Variants in STK33 observed in about 807,000 individuals in gnomAD.
STK33 encodes serine/threonine kinase 33.
Under a neutral mutation model 58.0 loss-of-function variants are expected in STK33, and 52 were observed. The ratio of observed to expected loss-of-function variants is 0.90; its 90% CI spans 0.72 to 1.13. STK33 has a LOEUF of 1.13. Ranked by LOEUF, STK33 falls within the 50% of genes most tolerant of loss-of-function variation. STK33 has a pLI of 0.00. For missense variants in STK33, 630 were observed against 604.2 expected (o/e 1.04, Z -0.45); for synonymous variants, 215 against 200.1 (o/e 1.07, Z -0.63).
chr11:8,544,492 T>C (rs1231249223), intron 1 of STK33, among the ~76,000 whole-genome samples: 1 of 151,510 alleles, frequency 6.6e-6, no homozygotes, highest in Non-Finnish European at 1.5e-5. Flanking sequence ...TATTTTTTCT[T>C]TATAGCTTTT....
intron 15 of STK33, among the ~76,000 whole-genome samples, chr11:8,411,004 A>G (rs1237086708): frequency 2.0e-5 from 3 of 152,226 alleles, no homozygotes; most frequent in African/African-American, 7.2e-5. Context: ...GAAAGCATAT[A>G]CCATTTATCA....
intron 1 of STK33, among the ~76,000 whole-genome samples, chr11:8,563,596 G>T (rs1418689587): frequency 6.6e-6 from 1 of 152,078 alleles, no homozygotes; most frequent in Non-Finnish European, 1.5e-5. Flanking sequence ...CAGCTATATT[G>T]TACTTTTCGG....
chr11:8,345,551 C>A, the STK33 span, among the ~76,000 whole-genome samples: 2 of 152,216 alleles, frequency 1.3e-5, no homozygotes, highest in Non-Finnish European at 2.9e-5. Flanking sequence ...TCATAGCATG[C>A]GGTTTGGGTG....
intron 1 of STK33, among the ~76,000 whole-genome samples, chr11:8,556,140 G>C (rs77734865): frequency 0.057 from 8,639 of 152,256 alleles, 323 homozygotes; most frequent in Non-Finnish European, 0.076. Flanking sequence ...GAGTAAAGTT[G>C]AAGTAGAATA....
chr11:8,476,895 T>C (rs986853020), intron 3 of STK33, 144 bp from the exon 4 acceptor site: 6 of 152,190 alleles, frequency 3.9e-5, no homozygotes, highest in Non-Finnish European at 4.4e-5. Flanking sequence ...GTCTCATTTG[T>C]AAATAGATTT....
the STK33 span, among the ~76,000 whole-genome samples, chr11:8,381,276 A>G: frequency 6.6e-6 from 1 of 152,212 alleles, no homozygotes; most frequent in Non-Finnish European, 1.5e-5. Context: ...AAAAATTAAG[A>G]AAACACACCT....
chr11:8,431,108 G>A (rs994491022), intron 14 of STK33, among the ~76,000 whole-genome samples: 3 of 151,922 alleles, frequency 2.0e-5, no homozygotes, highest in South Asian at 2.1e-4. Flanking sequence ...CTTGTGATCC[G>A]CCTGCCTCGG....
At chr11:8,587,498 C>T (rs1160117171) in intron 1 of STK33, among the ~76,000 whole-genome samples, 1 of 151,952 alleles carries the variant, frequency 6.6e-6, no homozygotes, top group Non-Finnish European at 1.5e-5. Flanking sequence ...GGCACACCTC[C>T]CTATCATTCC....
intron 1 of STK33, among the ~76,000 whole-genome samples, chr11:8,578,930 G>T (rs769254775): frequency 6.6e-6 from 1 of 151,960 alleles, no homozygotes; most frequent in African/African-American, 2.4e-5. Context: ...TGGAAGTAAT[G>T]ATAGTTACTG....
chr11:8,376,623 C>T, the STK33 span, among the ~76,000 whole-genome samples: 2 of 151,978 alleles, frequency 1.3e-5, no homozygotes, highest in Non-Finnish European at 2.9e-5. Context: ...CTCACTGCAA[C>T]TTCTGCCTCC....
At chr11:8,577,030 A>G (rs1958235606) in intron 1 of STK33, among the ~76,000 whole-genome samples, 1 of 152,192 alleles carries the variant, frequency 6.6e-6, no homozygotes, top group South Asian at 2.1e-4. Context: ...GACTACAGGC[A>G]TGAGTCACCA....
chr11:8,447,353 A>G (rs1008060559), intron 11 of STK33, among the ~76,000 whole-genome samples: 15 of 150,422 alleles, frequency 1.0e-4, no homozygotes, highest in Non-Finnish European at 1.9e-4. Context: ...TTTTAGACCA[A>G]TATCTCTCAT....
In STK33 at chr11:8,404,026, C is replaced by A. The variant is rs146484898; in HGVS notation, c.1344+9469G>T. Among the ~76,000 whole-genome samples the A allele has an allele frequency of 1.5e-3, 232 of 152,278 alleles. 3 individuals are homozygous for A. In the East Asian group the frequency reaches 0.028, roughly 18 times the overall value. ...GTCACACATTCAAATTATAGGCCTG[C>A]ACAAGGTCCAAATGACAAAATTCTG... On this transcript the variant is annotated intron_variant, in intron 15 of 15. Transcript: ENST00000687296.
intron 1 of STK33, among the ~76,000 whole-genome samples, chr11:8,536,972 A>AATTTTT (rs1565305538): frequency 1.5e-5 from 1 of 65,734 alleles, no homozygotes. Flanking sequence ...AAAAAAAAAG[A>AATTTTT]TTTTTTTTTT....
intron 1 of STK33, among the ~76,000 whole-genome samples, chr11:8,568,617 A>G (rs1311170832): frequency 6.6e-6 from 1 of 152,200 alleles, no homozygotes; most frequent in African/African-American, 2.4e-5. Context: ...TTATCTGGAA[A>G]TATAAAAGCA....
chr11:8,515,668 G>A (rs1408706529), intron 1 of STK33, among the ~76,000 whole-genome samples: 1 of 152,114 alleles, frequency 6.6e-6, no homozygotes, highest in Non-Finnish European at 1.5e-5. Context: ...GAGATGCAAG[G>A]ATAGTTCAAC....
At chr11:8,425,103 GT>G (rs1942537974) in intron 14 of STK33, among the ~76,000 whole-genome samples, 1 of 150,436 alleles carries the variant, frequency 6.6e-6, no homozygotes, top group African/African-American at 2.5e-5. Context: ...TTCTTCTAGG[GT>G]TTTTATGGTT....
At position 8,473,110 on chromosome 11, in the gene STK33, T is replaced by G. The variant is rs3763960; in HGVS notation, c.339+53A>C. The G allele has an allele frequency of 3.7e-4, 417 of 1,113,688 alleles. 1 individual carries two copies. The East Asian group carries it at 0.01, about 27-fold the overall frequency. The allele number at this position is 1,113,688 out of a possible 1,614,324, so 69.0% of individuals were successfully genotyped here. A position where few individuals can be genotyped will look rare whatever the true frequency, so the allele number is the denominator to read the frequency against. ...TTCAATCATTTTTCCTATTAACCATTGACTTAGAAGAAACCTGAAAGTTCA... is the reference window on the plus strand; with the variant it reads ...TTCAATCATTTTTCCTATTAACCATGGACTTAGAAGAAACCTGAAAGTTCA... On this transcript the variant is annotated intron_variant, in intron 6 of 15. Coordinates refer to ENST00000687296, the MANE Select transcript of STK33 (RefSeq NM_001352389.2).
chr11:8,429,164 T>G (rs1943118104), intron 14 of STK33, among the ~76,000 whole-genome samples: 1 of 152,160 alleles, frequency 6.6e-6, no homozygotes. Context: ...GTGAATGAGA[T>G]GGATGTCCCA....
Sources: gnomAD v4.1 joint callset for allele counts (sites outside exome capture counted in the v4.1 genomes callset) on GRCh38, gnomAD v4.1.1 for gene constraint, MANE v1.5 for transcripts, NCBI Gene and HGNC (gene_info 2026-07-23, HGNC 2026-07-21) for gene names.